Variants in RBFOX1 observed in about 807,000 individuals in gnomAD.
RBFOX1 encodes the protein RNA binding fox-1 homolog 1.
RBFOX1 carries 8 observed loss-of-function variants against 57.7 expected under a neutral mutation model. The observed-to-expected ratio is 0.14, with a 90% CI of 0.08 to 0.25. The LOEUF (loss-of-function observed/expected upper bound fraction) is 0.25. RBFOX1 is among the 10% of genes least tolerant of loss of function. The pLI, the probability that RBFOX1 is intolerant of heterozygous loss-of-function variation, is 1.00. For missense variants in RBFOX1, 611 were observed against 548.5 expected, an observed-to-expected ratio of 1.11 and a Z score of -1.14; for synonymous variants, 326 against 222.4, an observed-to-expected ratio of 1.47 and a Z score of -4.15.
At chr16:7,167,949 G>A (rs1291675346) in intron 4 of RBFOX1, among the ~76,000 whole-genome samples, 1 of 152,150 alleles carries the variant, frequency 6.6e-6, no homozygotes, top group Non-Finnish European at 1.5e-5. Context: ...GGGGATGTTT[G>A]TAGTGAGAGT....
intron 1 of RBFOX1, among the ~76,000 whole-genome samples, chr16:5,258,676 G>T (rs1462382066): frequency 6.6e-6 from 1 of 152,194 alleles, no homozygotes; most frequent in Non-Finnish European, 1.5e-5. Flanking sequence ...CCAGCACTTT[G>T]GGAGGCCAAG....
intron 4 of RBFOX1, among the ~76,000 whole-genome samples, chr16:7,402,815 A>G (rs1369894244): frequency 6.6e-6 from 1 of 152,130 alleles, no homozygotes; most frequent in African/African-American, 2.4e-5. Flanking sequence ...TTAACTCTAG[A>G]AAGAGTTGTT....
chr16:6,286,989 G>A (rs1055400692), intron 1 of RBFOX1, among the ~76,000 whole-genome samples: 2 of 152,118 alleles, frequency 1.3e-5, no homozygotes, highest in African/African-American at 4.8e-5. Flanking sequence ...GAGTGAATTA[G>A]TTGGGGTTTT....
rs1301318512 is a variant in RBFOX1, at chr16:5,485,783, C to T, written c.258+18529C>T. ...CTTCAAAAGTGCTTGTGAGTGTGCC[C>T]CCTGTCTGGGAGCACAAGAACGACC... On this transcript the variant is annotated intron_variant, in intron 2 of 2. Coordinates refer to the RBFOX1 transcript ENST00000585867. Among the ~76,000 whole-genome samples, 5 of 152,132 alleles carry T rather than the reference C, an allele frequency of 3.3e-5. No homozygotes were observed. The South Asian group carries it at 6.2e-4, about 19-fold the overall frequency.
chr16:6,176,159 A>G (rs568915632), intron 1 of RBFOX1, among the ~76,000 whole-genome samples: 1 of 151,658 alleles, frequency 6.6e-6, no homozygotes, highest in East Asian at 1.9e-4. Context: ...TTTATTTTTT[A>G]TTTGAGACCT....
chr16:6,756,983 CA>C, intron 3 of RBFOX1, among the ~76,000 whole-genome samples: 1 of 62,808 alleles, frequency 1.6e-5, no homozygotes, highest in Non-Finnish European at 3.6e-5. Context: ...CTCAAACAAA[CA>C]GACAAACAAA....
At chr16:6,572,213 T>C (rs1047373774) in intron 2 of RBFOX1, among the ~76,000 whole-genome samples, 1 of 152,240 alleles carries the variant, frequency 6.6e-6, no homozygotes, top group Non-Finnish European at 1.5e-5. Context: ...GTTTTGCCTA[T>C]ATTTGATTTC....
At chr16:6,798,582 C>T (rs1004856500) in intron 3 of RBFOX1, among the ~76,000 whole-genome samples, 20 of 152,196 alleles carry the variant, frequency 1.3e-4, no homozygotes, top group East Asian at 5.8e-4. Context: ...TAACAGCTGT[C>T]TGTATTCAAA....
intron 3 of RBFOX1, among the ~76,000 whole-genome samples, chr16:5,831,473 T>TTTTTTATTATTA (rs1555540197): frequency 2.1e-5 from 3 of 141,506 alleles, no homozygotes; most frequent in Non-Finnish European, 3.0e-5. Flanking sequence ...TCTTTTCTCT[T>TTTTTTATTATTA]TTATTATTAT....
At chr16:5,910,253 C>T (rs1481211735) in intron 4 of RBFOX1, among the ~76,000 whole-genome samples, 1 of 151,936 alleles carries the variant, frequency 6.6e-6, no homozygotes, top group Non-Finnish European at 1.5e-5. Context: ...ATAGCCTGGT[C>T]CTCAGGCCAG....
rs905987031 is a variant in RBFOX1 at position 7,590,258 on chromosome 16, C to T, written c.468+2958C>T. Reference sequence around the variant, plus strand: ...TTCCAGCTTGGGTGACAGAGTGAGTCCTTATCTCAGAACAAGTATCTATAT... The same window carrying T: ...TTCCAGCTTGGGTGACAGAGTGAGTTCTTATCTCAGAACAAGTATCTATAT... On this transcript the variant is annotated intron_variant, in intron 7 of 15. Transcript: ENST00000550418. 2.0e-5 allele frequency among the ~76,000 whole-genome samples: 3 copies of T among 151,392 alleles called. No homozygotes were observed. In the East Asian group the frequency reaches 5.8e-4, roughly 29 times the overall value.
chr16:7,193,441 T>C (rs1183888933), intron 4 of RBFOX1, among the ~76,000 whole-genome samples: 1 of 152,232 alleles, frequency 6.6e-6, no homozygotes, highest in Non-Finnish European at 1.5e-5. Flanking sequence ...AGATGGGTTG[T>C]TTGTGTTGTT....
intron 3 of RBFOX1, among the ~76,000 whole-genome samples, chr16:6,721,440 C>T (rs1040800536): frequency 6.6e-6 from 1 of 152,080 alleles, no homozygotes; most frequent in African/African-American, 2.4e-5. Flanking sequence ...GAGACTCTGT[C>T]TCAAAAACAA....
intron 1 of RBFOX1, among the ~76,000 whole-genome samples, chr16:5,454,960 T>C (rs2068575070): frequency 5.2e-4 from 24 of 46,002 alleles, no homozygotes; most frequent in African/African-American, 1.8e-3. Context: ...CCTTCCTTCC[T>C]TTCTTTCTTT....
intron 2 of RBFOX1, among the ~76,000 whole-genome samples, chr16:6,440,562 G>C (rs1430119077): frequency 6.6e-6 from 1 of 152,124 alleles, no homozygotes; most frequent in Non-Finnish European, 1.5e-5. Flanking sequence ...AGCAATCTGG[G>C]AGGCTGAGGC....
intron 11 of RBFOX1, among the ~76,000 whole-genome samples, chr16:7,649,984 C>T (rs1227215393): frequency 6.9e-5 from 5 of 72,810 alleles, no homozygotes; most frequent in Non-Finnish European, 8.7e-5. Flanking sequence ...GGAAGAAGAG[C>T]GAGGGGAGAA....
intron 1 of RBFOX1, among the ~76,000 whole-genome samples, chr16:6,268,858 T>G (rs114017098): frequency 0.02 from 2,985 of 152,230 alleles, 113 homozygotes; most frequent in African/African-American, 0.068. Context: ...TAAACAGAAG[T>G]GCAGTCTTCC....
At chr16:6,518,457 G>C (rs973445055) in intron 2 of RBFOX1, among the ~76,000 whole-genome samples, 2 of 152,060 alleles carry the variant, frequency 1.3e-5, no homozygotes, top group Non-Finnish European at 2.9e-5. Flanking sequence ...CAATTAATGT[G>C]CTTCTATTAT....
chr16:5,595,188 A>G (rs1362240347), intron 2 of RBFOX1, among the ~76,000 whole-genome samples: 2 of 152,078 alleles, frequency 1.3e-5, no homozygotes, highest in Admixed American at 6.6e-5. Flanking sequence ...ACATTTCCAA[A>G]CAGGAAAAGA....
Sources: gnomAD v4.1 joint callset for allele counts (sites outside exome capture counted in the v4.1 genomes callset) on GRCh38, gnomAD v4.1.1 for gene constraint, MANE v1.5 for transcripts, NCBI Gene and HGNC (gene_info 2026-07-23, HGNC 2026-07-21) for gene names.